Variants in BRD4 observed in about 807,000 individuals in gnomAD.
BRD4 encodes the protein bromodomain-containing protein 4.
In BRD4, 16 loss-of-function variants were observed where a neutral mutation model predicts 142.1. The observed-to-expected ratio is 0.11, with a 90% CI of 0.08 to 0.17. The LOEUF is 0.17. BRD4 is among the 10% of genes least tolerant of loss of function. The pLI, the probability that BRD4 is intolerant of heterozygous loss-of-function variation, is 1.00. For synonymous variants in BRD4, 833 were observed against 707.5 expected, an observed-to-expected ratio of 1.18 and a Z score of -2.82; for missense variants, 1,424 against 1,810.9, an observed-to-expected ratio of 0.79 and a Z score of 3.88.
intron 1 of BRD4, among the ~76,000 whole-genome samples, chr19:15,329,738 A>G (rs2048140833): frequency 6.6e-6 from 1 of 152,104 alleles, no homozygotes; most frequent in Non-Finnish European, 1.5e-5. Context: ...GACTCTCTCA[A>G]AAAAATAAAA....
intron 7 of BRD4, among the ~76,000 whole-genome samples, chr19:15,258,795 C>T (rs1407639377): frequency 1.3e-5 from 2 of 151,822 alleles, no homozygotes; most frequent in Non-Finnish European, 2.9e-5. Flanking sequence ...TGACATGTTG[C>T]CCAGGCTGGT....
chr19:15,265,647 C>T lies in BRD4; in HGVS notation c.560-4G>A. 6.2e-7 allele frequency: 1 copy of T among 1,614,088 alleles called. No homozygotes were observed. The highest frequency in any genetic ancestry group is 8.5e-7 in the Non-Finnish European group (1 of 1,180,002). On this transcript the variant is annotated splice_region_variant and splice_polypyrimidine_tract_variant and intron_variant, in intron 4 of 19. Coordinates refer to ENST00000679869, the MANE Select transcript of BRD4 (RefSeq NM_001379291.1). Reference sequence around the variant, plus strand: ...GAAACGCCAGGTTTTGCTGTCCCTACAAATCATAATAAGACGGCGAGTTAG... The same window carrying T: ...GAAACGCCAGGTTTTGCTGTCCCTATAAATCATAATAAGACGGCGAGTTAG...
In BRD4 at chr19:15,332,501, A is replaced by AGCAGCC. The variant is rs2048171868; in HGVS notation, c.-247_-246insGGCTGC. ...TGCGGGAGACCAGAACAAACAGCCC[A>AGCAGCC]GCCGCCGCCGCCGCCGCCGCCGCCG... is the stretch of plus-strand genomic sequence containing the variant. On this transcript the variant is annotated 5_prime_UTR_variant, in exon 1 of 20. Coordinates refer to ENST00000679869, the MANE Select transcript of BRD4 (RefSeq NM_001379291.1). 6.4e-6 allele frequency: 1 copy of AGCAGCC among 155,818 alleles called. No individual in the cohort carries two copies. Among genetic ancestry groups the AGCAGCC allele is most frequent in the Non-Finnish European group, 1.3e-5 (1 of 76,656 alleles). 9.7% of individuals were successfully genotyped at this position (155,818 alleles called of 1,614,324 possible). A position where few individuals can be genotyped will look rare whatever the true frequency, so the allele number is the denominator to read the frequency against.
intron 1 of BRD4, among the ~76,000 whole-genome samples, chr19:15,311,891 CAG>C (rs1320673638): frequency 1.3e-5 from 2 of 152,100 alleles, no homozygotes; most frequent in African/African-American, 2.4e-5. Context: ...CTCATAGAAA[CAG>C]AAAGTAGAAG....
chr19:15,272,156 C>T (rs1167839169), intron 2 of BRD4, among the ~76,000 whole-genome samples: 1 of 152,116 alleles, frequency 6.6e-6, no homozygotes, highest in East Asian at 1.9e-4. Context: ...TTGCTAGGGA[C>T]ATGGGCATAT....
At chr19:15,313,217 CAA>C (rs1288744906) in intron 1 of BRD4, among the ~76,000 whole-genome samples, 2 of 147,748 alleles carry the variant, frequency 1.4e-5, no homozygotes, top group South Asian at 2.2e-4. Flanking sequence ...ACTCAAAATA[CAA>C]AAAATTAGCC....
At chr19:15,249,476 A>G (rs2047321574) in intron 11 of BRD4, among the ~76,000 whole-genome samples, 1 of 152,090 alleles carries the variant, frequency 6.6e-6, no homozygotes, top group South Asian at 2.1e-4. Context: ...GGACAGACCC[A>G]CCGCCCGCTT....
chr19:15,327,550 GAA>G (rs913659889), intron 1 of BRD4, among the ~76,000 whole-genome samples: 27 of 150,922 alleles, frequency 1.8e-4, no homozygotes, highest in Admixed American at 5.9e-4. Context: ...TCTCGAAAAA[GAA>G]AAAAAGAGAA....
At chr19:15,267,067 T>C (rs1307359356) in intron 4 of BRD4, among the ~76,000 whole-genome samples, 1 of 152,224 alleles carries the variant, frequency 6.6e-6, no homozygotes, top group Non-Finnish European at 1.5e-5. Flanking sequence ...TTTCTGGTCA[T>C]GTTAATGTCC....
chr19:15,239,099 C>CGTG lies in BRD4; in HGVS notation c.3739_3741dup (p.His1247dup). The CGTG allele has an allele frequency of 6.2e-7, 1 of 1,607,032 alleles. No individual in the cohort carries two copies. The highest frequency in any genetic ancestry group is 8.5e-7 in the Non-Finnish European group (1 of 1,179,294). ...CGCAGCCGCTCCTTCTCCTTCTCAG[C>CGTG]GTGCTCGGCCTGAGCCTTCAGGGCC... On this transcript the variant is annotated inframe_insertion, in exon 18 of 20. Coordinates refer to ENST00000679869, the MANE Select transcript of BRD4 (RefSeq NM_001379291.1). This position sits in a 1 kb window ranked among gnomAD's most constrained non-coding sequence, Gnocchi z 7.4.
intron 1 of BRD4, among the ~76,000 whole-genome samples, chr19:15,322,697 CA>C (rs78397797): frequency 0.59 from 54,316 of 92,282 alleles, 13,256 homozygotes; most frequent in East Asian, 0.65. Context: ...CTAAAAAATA[CA>C]AAAAAAAAAA....
At chr19:15,262,633 G>C (rs576562330) in intron 7 of BRD4, among the ~76,000 whole-genome samples, 17 of 152,042 alleles carry the variant, frequency 1.1e-4, no homozygotes, top group Admixed American at 1.0e-3. Flanking sequence ...TGAGGTGGGA[G>C]GATCGCTTGA....
Position 15,238,918 on chromosome 19 carries a change from C to T in BRD4, c.3845G>A (p.Arg1282His), listed in dbSNP as rs916929419. The T allele has an allele frequency of 6.9e-6, 11 of 1,595,260 alleles. No individual in the cohort carries two copies. The highest frequency in any genetic ancestry group is 1.1e-5 in the South Asian group (1 of 89,116). Residue 1282 changes from arginine to histidine, a missense_variant, in exon 19 of 20, where the codon CGC becomes CAC. Arg to His is a conservative substitution (Grantham distance 29). Coordinates refer to ENST00000679869, the MANE Select transcript of BRD4 (RefSeq NM_001379291.1). This position sits in a 1 kb window ranked among gnomAD's most constrained non-coding sequence, Gnocchi z 7.2. The stretch of plus-strand genomic sequence containing the variant: ...GCGCTGCTGCTGCTGCTGCTCCTGG[C>T]GCCGACGTGCCTCCTCATGGGCCCG... ...ARRAHEEARR[R>H]QEQQQQQRQE...
intron 11 of BRD4, chr19:15,245,035 G>A (rs966186711): frequency 4.0e-5 from 23 of 569,398 alleles, no homozygotes; most frequent in Admixed American, 3.6e-4. Context: ...CGGTTGCACC[G>A]GAAGCTGAGA....
At chr19:15,305,714 C>T (rs1401080279) in intron 1 of BRD4, among the ~76,000 whole-genome samples, 1 of 152,234 alleles carries the variant, frequency 6.6e-6, no homozygotes, top group Non-Finnish European at 1.5e-5. Context: ...AAGTCATCAG[C>T]TACAGTAGCC....
chr19:15,275,175 G>C (rs970840627), intron 1 of BRD4, among the ~76,000 whole-genome samples: 18 of 152,132 alleles, frequency 1.2e-4, no homozygotes, highest in African/African-American at 4.3e-4. Context: ...TGAATTTTCT[G>C]TTCACAAGAG....
rs1277746727 is a variant in BRD4, at chr19:15,332,447, TGCCGCC to T, written c.-198_-193del. On this transcript the variant is annotated 5_prime_UTR_variant, in exon 1 of 20. Coordinates refer to ENST00000679869, the MANE Select transcript of BRD4 (RefSeq NM_001379291.1). Reference sequence around the variant, plus strand: ...CACCGCCGGCAGCCGCCGCAGCCGCTGCCGCCGCCACTGCTTCGGCTCCTCGGCTGC... The same window carrying T: ...CACCGCCGGCAGCCGCCGCAGCCGCTGCCACTGCTTCGGCTCCTCGGCTGC... 1 of 146,372 alleles carries T rather than the reference TGCCGCC, an allele frequency of 6.8e-6. No individual in the cohort carries two copies. Among genetic ancestry groups the T allele is most frequent in the Non-Finnish European group, 1.5e-5 (1 of 66,850 alleles). 9.1% of individuals were successfully genotyped at this position (146,372 alleles called of 1,614,324 possible).
At chr19:15,285,722 T>A (rs553533451) in intron 1 of BRD4, among the ~76,000 whole-genome samples, 1 of 152,260 alleles carries the variant, frequency 6.6e-6, no homozygotes, top group East Asian at 1.9e-4. Context: ...TTTGGCTAAT[T>A]TTTATTACTA....
At chr19:15,246,330 G>A (rs2047285947) in intron 11 of BRD4, among the ~76,000 whole-genome samples, 1 of 152,234 alleles carries the variant, frequency 6.6e-6, no homozygotes, top group Admixed American at 6.5e-5. Context: ...GGACCAGGGG[G>A]ACCCTGCACA....
Sources: gnomAD v4.1 joint callset for allele counts (sites outside exome capture counted in the v4.1 genomes callset) on GRCh38, gnomAD v4.1.1 for gene constraint, Gnocchi (gnomAD v3.1) non-coding constraint, MANE v1.5 for transcripts, NCBI Gene and HGNC (gene_info 2026-07-23, HGNC 2026-07-21) for gene names.